The following ROBO1 variants were observed in gnomAD, a reference collection of about 807,000 sequenced individuals.
ROBO1 encodes roundabout guidance receptor 1, also known as roundabout homolog 1.
A neutral mutation model predicts 195.9 loss-of-function variants in ROBO1; 149 were observed. The observed-to-expected ratio is 0.76, with a 90% CI of 0.67 to 0.87. The LOEUF (loss-of-function observed/expected upper bound fraction) is 0.87, where lower values mean the gene tolerates loss of function less well. Among genes scored for constraint, ROBO1 ranks in the 40% least tolerant of loss-of-function variants. The pLI, the probability that ROBO1 is intolerant of heterozygous loss-of-function variation, is 0.00. For missense variants in ROBO1, 1,933 were observed against 2,068.3 expected (o/e 0.93, Z 1.27); for synonymous variants, 816 against 733.2 (o/e 1.11, Z -1.82).
intron 2 of ROBO1, among the ~76,000 whole-genome samples, chr3:79,437,768 G>A (rs1175245993): frequency 6.6e-6 from 1 of 151,816 alleles, no homozygotes; most frequent in Non-Finnish European, 1.5e-5. Flanking sequence ...GATGAGAGTG[G>A]GGCAGAGGAA....
rs1287978265 is a variant in ROBO1, at chr3:79,301,348, GT to G, written c.89-175810del. Among the ~76,000 whole-genome samples, 21 of 152,302 alleles carry G rather than the reference GT, an allele frequency of 1.4e-4. No individual in the cohort carries two copies. In the Middle Eastern group the frequency reaches 0.014, roughly 99 times the overall value. ...CAAGAACCCACCAATTCCGCACACA[GT>G]ACTGTGAAATGTGACTGAGTATATA... On this transcript the variant is annotated intron_variant, in intron 2 of 30. Coordinates refer to ENST00000464233, the MANE Select transcript of ROBO1 (RefSeq NM_002941.4).
At position 79,571,519 on chromosome 3, in the gene ROBO1, T is replaced by C. The variant is rs149901166; in HGVS notation, c.88+18305A>G. Among the ~76,000 whole-genome samples the C allele has an allele frequency of 7.0e-3, 1,067 of 152,172 alleles. 7 individuals carry two copies. Among genetic ancestry groups the C allele is most frequent in the Middle Eastern group, 0.044 (13 of 294 alleles). On this transcript the variant is annotated intron_variant, in intron 2 of 30. Transcript: ENST00000464233. ...TACCATTTAGTGTGATCAAGTGAAC[T>C]AATACATTTATAGAGGAAAGGACTT...
intron 2 of ROBO1, among the ~76,000 whole-genome samples, chr3:79,417,225 C>T (rs2038042016): frequency 6.6e-6 from 1 of 152,084 alleles, no homozygotes; most frequent in South Asian, 2.1e-4. Flanking sequence ...TCTTTCTGCT[C>T]TCATTCTCTT....
At chr3:79,502,387 T>C (rs1384949560) in intron 2 of ROBO1, among the ~76,000 whole-genome samples, 2 of 152,128 alleles carry the variant, frequency 1.3e-5, no homozygotes, top group African/African-American at 4.8e-5. Flanking sequence ...GTGAGGGGCT[T>C]AGCACCTGGG....
At chr3:79,523,998 A>C (rs1438239076) in intron 2 of ROBO1, among the ~76,000 whole-genome samples, 4 of 152,226 alleles carry the variant, frequency 2.6e-5, no homozygotes, top group Admixed American at 6.5e-5. Flanking sequence ...CATTATGAGA[A>C]AGTAATCTAC....
Position 78,668,529 on chromosome 3 carries a change from T to C in ROBO1, c.1585A>G (p.Thr529Ala). The change falls in exon 12 of 31, where the codon ACC becomes GCC. Residue 529 changes from threonine to alanine, a missense_variant. Thr to Ala is a moderately conservative substitution (Grantham distance 58). Transcript: ENST00000464233. ...CTCCATGTTGCTTCACCACTGGGGG[T>C]TGATGCAATGCAGGTGTACCGACCA... ...DTGRYTCIAS[T>A]PSGEATWSAY... The C allele has an allele frequency of 6.2e-7, 1 of 1,613,790 alleles. No homozygotes were observed. The highest frequency in any genetic ancestry group is 8.5e-7 in the Non-Finnish European group (1 of 1,179,820).
intron 4 of ROBO1, among the ~76,000 whole-genome samples, chr3:78,860,139 G>GTAGATAGATAGATAGGTAGA (rs1553750279): frequency 7.0e-6 from 1 of 141,976 alleles, no homozygotes; most frequent in Non-Finnish European, 1.5e-5. Flanking sequence ...AGGTAGATAG[G>GTAGATAGATAGATAGGTAGA]TAGATAGATA....
intron 4 of ROBO1, among the ~76,000 whole-genome samples, chr3:78,930,633 G>A (rs72904257): frequency 0.06 from 9,135 of 152,168 alleles, 793 homozygotes; most frequent in African/African-American, 0.19. Flanking sequence ...GTCATCAATT[G>A]CATCTCCTGC....
chr3:78,921,193 C>G (rs765372201), intron 4 of ROBO1, among the ~76,000 whole-genome samples: 49 of 152,288 alleles, frequency 3.2e-4, no homozygotes, highest in South Asian at 2.3e-3. Context: ...AAAACTTAGA[C>G]TATTTTATAA....
intron 2 of ROBO1, among the ~76,000 whole-genome samples, chr3:79,239,647 C>A (rs571272200): frequency 6.6e-6 from 1 of 152,220 alleles, no homozygotes; most frequent in South Asian, 2.1e-4. Context: ...CGGGGCACTG[C>A]CTTATAGGAT....
Position 79,125,502 on chromosome 3 carries a change from C to A in ROBO1, c.126G>T (p.Thr42=), listed in dbSNP as rs1377764238. The A allele has an allele frequency of 6.2e-7, 1 of 1,613,612 alleles. No homozygotes were observed. Among genetic ancestry groups the A allele is most frequent in the Non-Finnish European group, 8.5e-7 (1 of 1,179,720 alleles). ...EDVERGNDHG[T]PIPTSDNDDN... Reference sequence around the variant, plus strand: ...CATCGTTATCAGAGGTGGGGATTGGCGTCCCGTGGTCGTTCCCCCTCTCTA... The same window carrying A: ...CATCGTTATCAGAGGTGGGGATTGGAGTCCCGTGGTCGTTCCCCCTCTCTA... The change falls in exon 3 of 31, where the codon ACG becomes ACT. Residue 42 remains threonine, a synonymous_variant. Transcript: ENST00000464233.
chr3:79,508,774 T>C (rs147164251), intron 2 of ROBO1, among the ~76,000 whole-genome samples: 1 of 152,202 alleles, frequency 6.6e-6, no homozygotes, highest in Non-Finnish European at 1.5e-5. Flanking sequence ...GTGACCTTCT[T>C]CTATTTAGCA....
chr3:79,563,874 A>G (rs1943006033), intron 2 of ROBO1, among the ~76,000 whole-genome samples: 1 of 152,080 alleles, frequency 6.6e-6, no homozygotes, highest in Non-Finnish European at 1.5e-5. Context: ...TATTTTATAG[A>G]GTGCATATTA....
chr3:78,868,237 C>G (rs1301337623), intron 4 of ROBO1, among the ~76,000 whole-genome samples: 1 of 151,954 alleles, frequency 6.6e-6, no homozygotes, highest in Non-Finnish European at 1.5e-5. Context: ...CTGAAAAGAT[C>G]AGAGCACAGA....
intron 4 of ROBO1, among the ~76,000 whole-genome samples, chr3:78,872,632 A>G (rs1242116456): frequency 6.6e-6 from 1 of 152,208 alleles, no homozygotes; most frequent in Non-Finnish European, 1.5e-5. Context: ...AATTCTGTTT[A>G]GTTAAAAATT....
intron 2 of ROBO1, among the ~76,000 whole-genome samples, chr3:79,535,103 A>C: frequency 6.6e-6 from 1 of 152,106 alleles, no homozygotes; most frequent in East Asian, 1.9e-4. Context: ...ATTTTTCATA[A>C]TTAAGAAACA....
intron 3 of ROBO1, among the ~76,000 whole-genome samples, chr3:79,044,898 T>C (rs1051993577): frequency 6.6e-6 from 1 of 152,108 alleles, no homozygotes; most frequent in Non-Finnish European, 1.5e-5. Flanking sequence ...GTTTCCCCTT[T>C]TTTTGTTTGA....
chr3:79,693,519 C>A (rs756389718), intron 1 of ROBO1, among the ~76,000 whole-genome samples: 1 of 151,546 alleles, frequency 6.6e-6, no homozygotes, highest in Non-Finnish European at 1.5e-5. Flanking sequence ...TCACTGTAAC[C>A]TTGAACTCTT....
intron 2 of ROBO1, among the ~76,000 whole-genome samples, chr3:79,264,108 C>T (rs544733738): frequency 2.0e-5 from 3 of 152,154 alleles, no homozygotes; most frequent in African/African-American, 7.2e-5. Flanking sequence ...TGGCAAACAT[C>T]AGATGATGTT....
Sources: gnomAD v4.1 joint callset for allele counts (sites outside exome capture counted in the v4.1 genomes callset) on GRCh38, gnomAD v4.1.1 for gene constraint, MANE v1.5 for transcripts, NCBI Gene and HGNC (gene_info 2026-07-23, HGNC 2026-07-21) for gene names.